Variants in PYHIN1 observed in about 807,000 individuals in gnomAD.
The protein encoded by PYHIN1 is pyrin and HIN domain-containing protein 1.
In PYHIN1, 32 loss-of-function variants were observed where a neutral mutation model predicts 43.7. The ratio of observed to expected loss-of-function variants is 0.73; its 90% confidence interval spans 0.55 to 0.98. PYHIN1 has a LOEUF of 0.98. Among genes scored for constraint, PYHIN1 ranks in the 50% least tolerant of loss-of-function variants. The probability of loss-of-function intolerance (pLI) is 0.00; values close to 1 mark genes in which losing one functional copy is unlikely to be tolerated. For missense variants in PYHIN1, 588 were observed against 589.5 expected, an observed-to-expected ratio of 1.00 and a Z score of 0.03; for synonymous variants, 205 against 203.1, an observed-to-expected ratio of 1.01 and a Z score of -0.08.
intron 7 of PYHIN1, among the ~76,000 whole-genome samples, chr1:158,972,468 T>C (rs1042010245): frequency 2.0e-5 from 3 of 152,036 alleles, no homozygotes; most frequent in Non-Finnish European, 2.9e-5. Context: ...GATACATTGA[T>C]AAAATCATTC....
At chr1:158,967,428 G>A (rs566966641) in intron 7 of PYHIN1, among the ~76,000 whole-genome samples, 1 of 151,908 alleles carries the variant, frequency 6.6e-6, no homozygotes, top group East Asian at 1.9e-4. Context: ...ACAAAACACT[G>A]CTCAAAGAAA....
intron 6 of PYHIN1, among the ~76,000 whole-genome samples, chr1:158,944,646 T>TA (rs1421078316): frequency 8.5e-5 from 13 of 152,270 alleles, no homozygotes; most frequent in Admixed American, 3.3e-4. Flanking sequence ...GATTTCATTT[T>TA]AAAAAATAAG....
chr1:158,973,703 A>G lies in PYHIN1; in HGVS notation c.1416A>G (p.Ser472=), dbSNP rs139750590. The part of the protein sequence containing the change: ...QSSPANFRIT[S]PTVAPPLSSD... Reference sequence around the variant, plus strand: ...CGCCTGCAAACTTTAGAATCACCTCACCAACTGTGGCCCCTCCTCTTTCTT... The same window carrying G: ...CGCCTGCAAACTTTAGAATCACCTCGCCAACTGTGGCCCCTCCTCTTTCTT... Residue 472 remains serine (S), a synonymous_variant, in exon 8 of 9, where the codon TCA becomes TCG. Transcript: ENST00000368140. 35 of 1,612,998 alleles carry G rather than the reference A, an allele frequency of 2.2e-5. No individual in the cohort carries two copies. The African/African-American group carries it at 3.7e-4, about 17-fold the overall frequency.
intron 1 of PYHIN1, among the ~76,000 whole-genome samples, 187 bp downstream of exon 1, chr1:158,931,963 T>C (rs1174976466): frequency 6.6e-6 from 1 of 152,170 alleles, no homozygotes; most frequent in East Asian, 1.9e-4. Flanking sequence ...ACTTCAAAGA[T>C]AGTAGATATC....
chr1:158,939,556 C>T (rs1218341485), intron 4 of PYHIN1: 5 of 1,534,458 alleles, frequency 3.3e-6, no homozygotes, highest in South Asian at 1.2e-5. Flanking sequence ...TCCCTTTGCT[C>T]ACTAATTTGT....
chr1:158,958,564 C>A (rs1349664129), intron 7 of PYHIN1, among the ~76,000 whole-genome samples: 1 of 131,114 alleles, frequency 7.6e-6, no homozygotes, highest in Non-Finnish European at 1.5e-5. Context: ...AATGAGATCA[C>A]ATGGACACAG....
the PYHIN1 span, among the ~76,000 whole-genome samples, chr1:158,986,506 T>A: frequency 6.6e-6 from 1 of 152,096 alleles, no homozygotes; most frequent in South Asian, 2.1e-4. Flanking sequence ...CAGTCTACTG[T>A]CTAAACCATC....
chr1:158,984,286 G>A, the PYHIN1 span, among the ~76,000 whole-genome samples: 2 of 152,014 alleles, frequency 1.3e-5, no homozygotes, highest in South Asian at 4.1e-4. Flanking sequence ...GGCCTTTAGT[G>A]CTATAAACTT....
chr1:158,953,748 G>A (rs1649737375), intron 7 of PYHIN1, among the ~76,000 whole-genome samples: 1 of 152,238 alleles, frequency 6.6e-6, no homozygotes, highest in Non-Finnish European at 1.5e-5. Context: ...AAAGCTGGAT[G>A]GAGAATGACT....
chr1:158,979,450 T>C (rs191512527), downstream of PYHIN1, among the ~76,000 whole-genome samples: 215 of 152,302 alleles, frequency 1.4e-3, no homozygotes, highest in Non-Finnish European at 1.5e-3. Flanking sequence ...CCCTCAAGTT[T>C]TATTCATGCT....
intron 7 of PYHIN1, chr1:158,945,267 C>T (rs974675568): frequency 4.9e-6 from 2 of 404,130 alleles, no homozygotes; most frequent in African/African-American, 2.1e-5. Flanking sequence ...CACAAGAGGG[C>T]TAGTATCTTG....
chr1:158,954,645 T>A (rs1649803788), intron 7 of PYHIN1, among the ~76,000 whole-genome samples: 1 of 145,956 alleles, frequency 6.9e-6, no homozygotes, highest in Admixed American at 6.8e-5. Flanking sequence ...CGCTGCAAAA[T>A]CATGCCAAAA....
intron 8 of PYHIN1, among the ~76,000 whole-genome samples, chr1:158,975,970 T>C (rs1449615494): frequency 2.6e-5 from 4 of 152,144 alleles, no homozygotes; most frequent in African/African-American, 9.6e-5. Flanking sequence ...TATTAGCTCA[T>C]TCAATTATTT....
chr1:158,951,116 C>A (rs1571746085), intron 7 of PYHIN1, among the ~76,000 whole-genome samples: 1 of 152,114 alleles, frequency 6.6e-6, no homozygotes, highest in East Asian at 1.9e-4. Context: ...TGCCTGTGAG[C>A]TCGAAATCTG....
intron 7 of PYHIN1, among the ~76,000 whole-genome samples, chr1:158,957,304 C>G (rs928537458): frequency 4.0e-5 from 6 of 151,818 alleles, no homozygotes; most frequent in East Asian, 1.9e-4. Context: ...CAAGGCAATC[C>G]TAAGCCAAAA....
At position 158,956,632 on chromosome 1, in the gene PYHIN1, C is replaced by T. The variant is rs373228543; in HGVS notation, c.1359+11590C>T. On this transcript the variant is annotated intron_variant, in intron 7 of 8. Transcript: ENST00000368140. ...AATAATAAGAGCTATCTATGACAAACGCACAGCCAATATCATACTGAATGG... is the reference window on the plus strand; with the variant it reads ...AATAATAAGAGCTATCTATGACAAATGCACAGCCAATATCATACTGAATGG... Among the ~76,000 whole-genome samples, 7 of 151,838 alleles carry T rather than the reference C, an allele frequency of 4.6e-5. No individual in the cohort carries two copies. The East Asian group carries it at 5.8e-4, about 13-fold the overall frequency.
At chr1:158,975,624 C>T (rs1270732633) in intron 8 of PYHIN1, among the ~76,000 whole-genome samples, 1 of 152,120 alleles carries the variant, frequency 6.6e-6, no homozygotes, top group Non-Finnish European at 1.5e-5. Flanking sequence ...ATTGCATTTA[C>T]TCTTCAATAC....
chr1:158,987,294 G>A, the PYHIN1 span, among the ~76,000 whole-genome samples: 1 of 152,150 alleles, frequency 6.6e-6, no homozygotes, highest in South Asian at 2.1e-4. Context: ...AAAGTGATTT[G>A]CATTTCCCTG....
At chr1:158,957,360 C>T (rs2101697396) in intron 7 of PYHIN1, among the ~76,000 whole-genome samples, 1 of 152,184 alleles carries the variant, frequency 6.6e-6, no homozygotes, top group East Asian at 1.9e-4. Context: ...AACTATACTA[C>T]AAGGCTACAG....
Sources: allele counts gnomAD v4.1 joint callset (sites outside exome capture counted in the v4.1 genomes callset), GRCh38; gene constraint gnomAD v4.1.1; transcripts MANE v1.5; gene names NCBI Gene and HGNC (gene_info 2026-07-23, HGNC 2026-07-21).